Variants in RTL4 observed in about 807,000 individuals in gnomAD.
RTL4 encodes the protein retrotransposon Gag like 4.
A neutral mutation model predicts 5.3 loss-of-function variants in RTL4; 4 were observed. The observed-to-expected ratio is 0.75, with a 90% CI of 0.37 to 1.72. The LOEUF is 1.72. Ranked by LOEUF, RTL4 falls within the 40% of genes most tolerant of loss-of-function variation. The probability of loss-of-function intolerance (pLI) is 0.04; values close to 1 mark genes in which losing one functional copy is unlikely to be tolerated. For synonymous variants in RTL4, 98 were observed against 87.3 expected (o/e 1.12, Z -0.68); for missense variants, 260 against 227.1 (o/e 1.14, Z -0.93).
At chrX:112,136,106 A>C in the RTL4 span, among the ~76,000 whole-genome samples, 1 of 110,045 alleles carries the variant, frequency 9.1e-6, no homozygotes, top group Non-Finnish European at 1.9e-5. Context: ...AAATGGGATT[A>C]TTTTCTTCAT....
chrX:112,398,281 G>T, the RTL4 span, among the ~76,000 whole-genome samples: 3 of 110,095 alleles, frequency 2.7e-5, no homozygotes, highest in African/African-American at 9.9e-5. Flanking sequence ...ATGGTGAATT[G>T]TAATACATTT....
chrX:112,123,419 G>C, the RTL4 span, among the ~76,000 whole-genome samples: 904 of 112,299 alleles, frequency 8.0e-3, 5 homozygotes, highest in African/African-American at 0.027. Flanking sequence ...CATTTCCTAG[G>C]CTTTCTTCTA....
the RTL4 span, among the ~76,000 whole-genome samples, chrX:112,124,509 A>C: frequency 8.9e-6 from 1 of 111,916 alleles, no homozygotes; most frequent in African/African-American, 3.3e-5. Context: ...GAATGAGATC[A>C]TGTCCTTTGC....
At chrX:112,224,025 T>C in the RTL4 span, among the ~76,000 whole-genome samples, 1 of 111,707 alleles carries the variant, frequency 9.0e-6, no homozygotes, top group Non-Finnish European at 1.9e-5. Flanking sequence ...TGAATATCTG[T>C]TAACCAGTTA....
chrX:112,135,725 A>G, the RTL4 span, among the ~76,000 whole-genome samples: 1 of 110,198 alleles, frequency 9.1e-6, no homozygotes, highest in Non-Finnish European at 1.9e-5. Flanking sequence ...ATTTTTTTGC[A>G]TATGCATATC....
chrX:112,142,587 C>A, the RTL4 span, among the ~76,000 whole-genome samples: 1 of 111,650 alleles, frequency 9.0e-6, no homozygotes. Flanking sequence ...AAGCAGGGTT[C>A]TGAGGACACT....
chrX:112,150,589 T>A, the RTL4 span, among the ~76,000 whole-genome samples: 10 of 112,205 alleles, frequency 8.9e-5, no homozygotes, highest in African/African-American at 2.9e-4. Flanking sequence ...TTATGATTTT[T>A]AAAATTTTCA....
chrX:112,097,888 T>C, the RTL4 span, among the ~76,000 whole-genome samples: 1 of 111,353 alleles, frequency 9.0e-6, no homozygotes, highest in African/African-American at 3.3e-5. Flanking sequence ...TTTTTTCAAT[T>C]TGGCCCTGGC....
At chrX:112,112,665 G>A in the RTL4 span, among the ~76,000 whole-genome samples, 1 of 111,698 alleles carries the variant, frequency 9.0e-6, no homozygotes, top group Non-Finnish European at 1.9e-5. Context: ...TTCCAAACTG[G>A]TAGCCAAAAG....
chrX:112,151,146 A>G, the RTL4 span, among the ~76,000 whole-genome samples: 2 of 112,395 alleles, frequency 1.8e-5, no homozygotes, highest in Admixed American at 1.9e-4. Flanking sequence ...ATCATTCTCA[A>G]CCAGGTTCAG....
the RTL4 span, among the ~76,000 whole-genome samples, chrX:112,118,439 A>T: frequency 8.9e-6 from 1 of 112,499 alleles, no homozygotes; most frequent in African/African-American, 3.2e-5. Flanking sequence ...TGTCCTCATG[A>T]CATGGCAGCT....
chrX:112,107,890 A>T, the RTL4 span, among the ~76,000 whole-genome samples: 174 of 111,881 alleles, frequency 1.6e-3, 1 homozygote, highest in Non-Finnish European at 2.4e-3. Flanking sequence ...GTTTCTTTAA[A>T]TAACCTTTCT....
chrX:112,397,617 C>T, the RTL4 span, among the ~76,000 whole-genome samples: 30 of 111,946 alleles, frequency 2.7e-4, no homozygotes, highest in Admixed American at 9.5e-5. Context: ...TTGAGCTTTC[C>T]AATGCATGAA....
chrX:112,271,133 C>G, the RTL4 span, among the ~76,000 whole-genome samples: 1 of 108,881 alleles, frequency 9.2e-6, no homozygotes, highest in East Asian at 2.9e-4. Context: ...ATAAGAACAG[C>G]ACAATGGGAA....
At chrX:112,161,976 T>G in the RTL4 span, among the ~76,000 whole-genome samples, 1 of 108,954 alleles carries the variant, frequency 9.2e-6, no homozygotes, top group African/African-American at 3.3e-5. Flanking sequence ...AAACAAGAAC[T>G]TCACGCAATA....
At chrX:112,294,857 T>C in the RTL4 span, among the ~76,000 whole-genome samples, 1 of 111,722 alleles carries the variant, frequency 9.0e-6, no homozygotes, top group Non-Finnish European at 1.9e-5. Flanking sequence ...CATTGAATGA[T>C]AGATGACCTC....
chrX:112,154,047 A>G, the RTL4 span, among the ~76,000 whole-genome samples: 32 of 110,772 alleles, frequency 2.9e-4, no homozygotes, highest in African/African-American at 8.8e-4. Flanking sequence ...TGTGTTCCTT[A>G]GAGTGGATAA....
chrX:112,280,340 T>C, the RTL4 span, among the ~76,000 whole-genome samples: 58 of 110,960 alleles, frequency 5.2e-4, no homozygotes, highest in African/African-American at 1.5e-3. Flanking sequence ...GGGGGAAAGG[T>C]TGGAAAACTA....
chrX:112,307,117 A>G, the RTL4 span, among the ~76,000 whole-genome samples: 1 of 111,096 alleles, frequency 9.0e-6, no homozygotes. Context: ...ATAGCTCTTG[A>G]CTCTGTGTCT....
Sources: allele counts gnomAD v4.1 joint callset (sites outside exome capture counted in the v4.1 genomes callset), GRCh38; gene constraint gnomAD v4.1.1; transcripts MANE v1.5; gene names NCBI Gene and HGNC (gene_info 2026-07-23, HGNC 2026-07-21).